The following CNKSR2 variants were observed in gnomAD, a reference collection of about 807,000 sequenced individuals.
CNKSR2 encodes CNK homolog protein 2.
In CNKSR2, 14 loss-of-function variants were observed where a neutral mutation model predicts 84.4. The ratio of observed to expected loss-of-function variants is 0.17; its 90% CI spans 0.11 to 0.26. The LOEUF is 0.26. Among genes scored for constraint, CNKSR2 ranks in the 10% least tolerant of loss-of-function variants. The pLI is 1.00. For missense variants in CNKSR2, 485 were observed against 771.2 expected (o/e 0.63, Z 4.40); for synonymous variants, 275 against 277.9 (o/e 0.99, Z 0.10).
rs1460389754 is a variant in CNKSR2, at chrX:21,377,055, C to T, written c.64+2094C>T. Among the ~76,000 whole-genome samples, 5 of 111,944 alleles carry T rather than the reference C, an allele frequency of 4.5e-5. No individual in the cohort carries two copies. In the East Asian group the frequency reaches 1.1e-3, roughly 25 times the overall value. On this transcript the variant is annotated intron_variant, in intron 1 of 21. Coordinates refer to ENST00000379510, the MANE Select transcript of CNKSR2 (RefSeq NM_014927.5). ...TTGAAAATTTTTTTTAAATGTAAGT[C>T]GAATACCTTGTTTTCATACCTGTTG...
rs57301315 is a variant in CNKSR2, at chrX:21,409,228, TTATATATATATATATATATATATATATA to T, written c.65-17245_65-17218del. ...AAACCTTACATAAAAAATGAAAAAA[TTATATATATATATATATATATATATATA>T]TATATATATATATATATATATATGT... On this transcript the variant is annotated intron_variant, in intron 1 of 21. Coordinates refer to ENST00000379510, the MANE Select transcript of CNKSR2 (RefSeq NM_014927.5). Among the ~76,000 whole-genome samples the T allele has an allele frequency of 1.4e-3, 54 of 38,450 alleles. 1 individual carries two copies. Among genetic ancestry groups the T allele is most frequent in the South Asian group, 4.0e-3 (2 of 497 alleles). The allele number at this position is 38,450 out of a possible 115,157, so 33.4% of individuals were successfully genotyped here. A position where few individuals can be genotyped will look rare whatever the true frequency, so the allele number is the denominator to read the frequency against.
chrX:21,517,477 T>G (rs2091739419), intron 9 of CNKSR2, among the ~76,000 whole-genome samples: 1 of 111,092 alleles, frequency 9.0e-6, no homozygotes, highest in Admixed American at 9.6e-5. Flanking sequence ...TGCACTAGAA[T>G]TTTTGCATTT....
At chrX:21,627,611 T>C (rs552893908) in intron 20 of CNKSR2, among the ~76,000 whole-genome samples, 2 of 112,175 alleles carry the variant, frequency 1.8e-5, no homozygotes, top group African/African-American at 6.5e-5. Flanking sequence ...GAGCAAGTCA[T>C]GTCTTACATG....
At chrX:21,392,776 TGTG>T (rs767897888) in intron 1 of CNKSR2, among the ~76,000 whole-genome samples, 13 of 111,695 alleles carry the variant, frequency 1.2e-4, no homozygotes, top group Middle Eastern at 4.7e-3. Flanking sequence ...TGTCATTAAA[TGTG>T]GTACCTTATT....
At chrX:21,461,121 C>T (rs1202490500) in intron 4 of CNKSR2, among the ~76,000 whole-genome samples, 1 of 112,300 alleles carries the variant, frequency 8.9e-6, no homozygotes, top group East Asian at 2.8e-4. Context: ...TGTACTCCAT[C>T]GTGATTGTAC....
chrX:21,591,185 T>C lies in CNKSR2; in HGVS notation c.1821T>C (p.Ile607=). 8.5e-7 allele frequency: 1 copy of C among 1,182,539 alleles called. No individual in the cohort carries two copies. ...VLKDASLYWY[I]NEEDEKAEGF... ...AGGATGCATCCCTTTATTGGTATAT[T>C]AATGAGGAGGTAAGATAAAGCACCT... The change falls in exon 15 of 22, where the codon ATT becomes ATC. Residue 607 remains isoleucine (I), a synonymous_variant. Transcript: ENST00000379510.
chrX:21,430,822 ACT>A (rs768346265), intron 2 of CNKSR2, among the ~76,000 whole-genome samples: 2 of 111,618 alleles, frequency 1.8e-5, no homozygotes, highest in Non-Finnish European at 3.8e-5. Context: ...GGCTGGACAA[ACT>A]CTCCCACATT....
chrX:21,645,148 C>T (rs2092703251), intron 20 of CNKSR2: 1 of 111,465 alleles, frequency 9.0e-6, no homozygotes, highest in Non-Finnish European at 1.9e-5. Context: ...CATAGTGGAG[C>T]AGAATATGAA....
At chrX:21,630,952 A>G (rs1048149767) in intron 20 of CNKSR2, among the ~76,000 whole-genome samples, 2 of 111,245 alleles carry the variant, frequency 1.8e-5, no homozygotes, top group African/African-American at 6.5e-5. Context: ...CCACCACTTG[A>G]GTCAAAACCC....
intron 20 of CNKSR2, among the ~76,000 whole-genome samples, chrX:21,609,967 C>T (rs1295218271): frequency 9.0e-6 from 1 of 111,648 alleles, no homozygotes; most frequent in East Asian, 2.8e-4. Context: ...AGTGGTTGCC[C>T]CCTGAGTTGG....
chrX:21,628,556 TCTTGA>T (rs1398385786), intron 20 of CNKSR2, among the ~76,000 whole-genome samples: 1 of 111,702 alleles, frequency 9.0e-6, no homozygotes, highest in African/African-American at 3.3e-5. Flanking sequence ...ACACCTCAAT[TCTTGA>T]CTTCTGTGCA....
At chrX:21,395,425 A>G (rs1385799976) in intron 1 of CNKSR2, among the ~76,000 whole-genome samples, 1 of 111,755 alleles carries the variant, frequency 8.9e-6, no homozygotes, top group East Asian at 2.8e-4. Flanking sequence ...GGATAGTAAG[A>G]TGTCAGATTT....
At chrX:21,410,736 C>G (rs975332856) in intron 1 of CNKSR2, among the ~76,000 whole-genome samples, 4 of 110,508 alleles carry the variant, frequency 3.6e-5, no homozygotes, top group Non-Finnish European at 7.6e-5. Flanking sequence ...TTTCAGTTAG[C>G]CTAGTATTTT....
At chrX:21,377,330 TA>T (rs1461048124) in intron 1 of CNKSR2, among the ~76,000 whole-genome samples, 1 of 112,422 alleles carries the variant, frequency 8.9e-6, no homozygotes, top group East Asian at 2.8e-4. Context: ...ACTGTTACCT[TA>T]ATTTTTCTCT....
At chrX:21,527,131 G>A in intron 10 of CNKSR2, 131 bp downstream of exon 10, 1 of 479,789 alleles carries the variant, frequency 2.1e-6, no homozygotes, top group Non-Finnish European at 3.4e-6. Context: ...AACACATTCT[G>A]CAAAATCATT....
At chrX:21,509,199 A>G (rs767836645) in intron 8 of CNKSR2, among the ~76,000 whole-genome samples, 18 of 112,317 alleles carry the variant, frequency 1.6e-4, no homozygotes, top group African/African-American at 5.5e-4. Context: ...GATTGTTAGC[A>G]GCTCAACATG....
At chrX:21,635,495 T>TATATATAA (rs1381820281) in intron 20 of CNKSR2, among the ~76,000 whole-genome samples, 2 of 104,794 alleles carry the variant, frequency 1.9e-5, no homozygotes, top group African/African-American at 6.9e-5. Context: ...TGTATATGTG[T>TATATATAA]ATATATGTAT....
At chrX:21,497,692 T>C (rs1601865683) in intron 6 of CNKSR2, 95 bp from the exon 7 acceptor site, 2 of 505,685 alleles carry the variant, frequency 4.0e-6, no homozygotes, top group Non-Finnish European at 7.1e-6. Context: ...GCAGTTTTAA[T>C]TTGATAGAGT....
chrX:21,605,106 G>C (rs911946373), intron 18 of CNKSR2, among the ~76,000 whole-genome samples: 2 of 111,745 alleles, frequency 1.8e-5, no homozygotes, highest in African/African-American at 6.5e-5. Context: ...CCCTTTTACA[G>C]ATAACAAAAC....
Sources: allele counts gnomAD v4.1 joint callset (sites outside exome capture counted in the v4.1 genomes callset), GRCh38; gene constraint gnomAD v4.1.1; transcripts MANE v1.5; gene names NCBI Gene and HGNC (gene_info 2026-07-23, HGNC 2026-07-21).